SLC9A9: variants seen among roughly 807,000 people sequenced by gnomAD.
SLC9A9 encodes the protein sodium/hydrogen exchanger 9.
SLC9A9 carries 62 observed loss-of-function variants against 77.8 expected under a neutral mutation model. That is an observed-to-expected ratio of 0.80 (90% confidence interval 0.65 to 0.98). SLC9A9 has a LOEUF of 0.98. Ranked by LOEUF, SLC9A9 falls within the 50% of genes least tolerant of loss-of-function variation. The pLI is 0.00. For missense variants in SLC9A9, 775 were observed against 774.9 expected (o/e 1.00, Z 0.00); for synonymous variants, 320 against 283.5 (o/e 1.13, Z -1.29).
At chr3:143,578,488 C>A (rs904563312) in intron 7 of SLC9A9, 97 bp downstream of exon 7, 26 of 1,578,306 alleles carry the variant, frequency 1.6e-5, no homozygotes, top group African/African-American at 5.4e-5. Context: ...GACTATCTAG[C>A]CTTTTATGGG....
chr3:143,322,900 G>T (rs191331648), intron 14 of SLC9A9, among the ~76,000 whole-genome samples: 2 of 151,864 alleles, frequency 1.3e-5, no homozygotes, highest in African/African-American at 4.8e-5. Flanking sequence ...CAAAGAACAC[G>T]AATAGACATT....
chr3:143,730,975 G>A (rs545938293), intron 4 of SLC9A9, among the ~76,000 whole-genome samples: 1 of 152,310 alleles, frequency 6.6e-6, no homozygotes, highest in East Asian at 1.9e-4. Flanking sequence ...TAGATCAACA[G>A]ACTGATGCCT....
chr3:143,503,499 C>T (rs761134033), intron 9 of SLC9A9: 3 of 383,238 alleles, frequency 7.8e-6, no homozygotes, highest in Non-Finnish European at 1.5e-5. Context: ...TCGCCACCTT[C>T]ATGATGTCAT....
At chr3:143,687,938 G>A (rs933278449) in intron 5 of SLC9A9, among the ~76,000 whole-genome samples, 3 of 151,910 alleles carry the variant, frequency 2.0e-5, no homozygotes, top group Non-Finnish European at 4.4e-5. Context: ...TGTTTGATAC[G>A]ATGCAGATAA....
intron 6 of SLC9A9, among the ~76,000 whole-genome samples, chr3:143,600,762 A>G (rs190081597): frequency 1.3e-5 from 2 of 152,356 alleles, no homozygotes; most frequent in Admixed American, 1.3e-4. Context: ...AATATAGGAG[A>G]TATAGACTGT....
intron 6 of SLC9A9, among the ~76,000 whole-genome samples, chr3:143,601,394 T>C (rs1255260135): frequency 6.6e-6 from 1 of 152,246 alleles, no homozygotes; most frequent in African/African-American, 2.4e-5. Flanking sequence ...CTGCATTTCT[T>C]CATATTCCCA....
chr3:143,319,981 T>G (rs2031359898), intron 14 of SLC9A9, among the ~76,000 whole-genome samples: 1 of 152,234 alleles, frequency 6.6e-6, no homozygotes, highest in African/African-American at 2.4e-5. Flanking sequence ...CTGTGTCCAC[T>G]GCTTCACGAT....
At chr3:143,714,225 T>G (rs1934272697) in intron 4 of SLC9A9, among the ~76,000 whole-genome samples, 1 of 152,136 alleles carries the variant, frequency 6.6e-6, no homozygotes, top group Non-Finnish European at 1.5e-5. Context: ...GAAGGATCCT[T>G]TTCTGGCTTT....
At chr3:143,280,179 T>G (rs1425562175) in intron 14 of SLC9A9, among the ~76,000 whole-genome samples, 7 of 150,142 alleles carry the variant, frequency 4.7e-5, no homozygotes, top group Non-Finnish European at 1.0e-4. Context: ...GAGGCCACCT[T>G]CTAACTTTCC....
At chr3:143,645,417 A>T (rs78776636) in intron 6 of SLC9A9, among the ~76,000 whole-genome samples, 1,543 of 152,270 alleles carry the variant, frequency 0.01, 17 homozygotes, top group Non-Finnish European at 0.011. Flanking sequence ...TTGTTTGCCT[A>T]CTTCAGTGAG....
intron 14 of SLC9A9, among the ~76,000 whole-genome samples, chr3:143,285,527 C>A (rs904587623): frequency 2.0e-5 from 3 of 152,170 alleles, no homozygotes; most frequent in Admixed American, 6.6e-5. Flanking sequence ...TAACATGCCC[C>A]CTCTTTAACT....
intron 1 of SLC9A9, among the ~76,000 whole-genome samples, chr3:143,839,900 T>A (rs938291039): frequency 1.3e-5 from 2 of 152,218 alleles, no homozygotes; most frequent in Admixed American, 6.5e-5. Flanking sequence ...CAAAGTGTTA[T>A]AGACGGTGAA....
chr3:143,603,442 A>T (rs1248747623), intron 6 of SLC9A9, among the ~76,000 whole-genome samples: 2 of 92,168 alleles, frequency 2.2e-5, no homozygotes, highest in Admixed American at 1.9e-4. Flanking sequence ...ATTAGATTGA[A>T]TCCATTTTGT....
chr3:143,782,999 G>T (rs1231479968), intron 4 of SLC9A9, among the ~76,000 whole-genome samples: 1 of 152,090 alleles, frequency 6.6e-6, no homozygotes, highest in Non-Finnish European at 1.5e-5. Context: ...ACCGCTCTCA[G>T]ATCCAACCGA....
intron 11 of SLC9A9, among the ~76,000 whole-genome samples, chr3:143,473,599 A>G (rs571745823): frequency 6.6e-6 from 1 of 152,302 alleles, no homozygotes; most frequent in South Asian, 2.1e-4. Flanking sequence ...TTCCTGGAAT[A>G]CTTTAGTCCA....
intron 7 of SLC9A9, among the ~76,000 whole-genome samples, chr3:143,575,138 A>G (rs2037336516): frequency 6.6e-6 from 1 of 152,194 alleles, no homozygotes; most frequent in Non-Finnish European, 1.5e-5. Flanking sequence ...CAGTATATTA[A>G]CCTCTCTGAG....
At chr3:143,402,313 A>G (rs1375593303) in intron 12 of SLC9A9, among the ~76,000 whole-genome samples, 3 of 152,218 alleles carry the variant, frequency 2.0e-5, no homozygotes, top group African/African-American at 7.2e-5. Context: ...AAGTGTAGAA[A>G]TTATTGGAAT....
chr3:143,486,760 A>C (rs1335578412), intron 11 of SLC9A9, among the ~76,000 whole-genome samples: 1 of 152,056 alleles, frequency 6.6e-6, no homozygotes, highest in Non-Finnish European at 1.5e-5. Flanking sequence ...CATGGTAACC[A>C]CAAAGAAAAT....
chr3:143,749,440 G>A (rs531429188), intron 4 of SLC9A9, among the ~76,000 whole-genome samples: 1 of 152,198 alleles, frequency 6.6e-6, no homozygotes, highest in Non-Finnish European at 1.5e-5. Context: ...AAAATTCCAT[G>A]TCTGGATACT....
Sources: gnomAD v4.1 joint callset for allele counts (sites outside exome capture counted in the v4.1 genomes callset) on GRCh38, gnomAD v4.1.1 for gene constraint, MANE v1.5 for transcripts, NCBI Gene and HGNC (gene_info 2026-07-23, HGNC 2026-07-21) for gene names.